Variants in ZFAT observed in about 807,000 individuals in gnomAD.
ZFAT encodes zinc finger and AT-hook domain containing, also known as zinc finger protein ZFAT.
In ZFAT, 64 loss-of-function variants were observed where a neutral mutation model predicts 117.7. The ratio of observed to expected loss-of-function variants is 0.54; its 90% CI spans 0.44 to 0.67. The LOEUF (loss-of-function observed/expected upper bound fraction) is 0.67, where lower values mean the gene tolerates loss of function less well. ZFAT is among the 30% of genes least tolerant of loss of function. ZFAT has a pLI of 0.00. For missense variants in ZFAT, 1,433 were observed against 1,584.5 expected (o/e 0.90, Z 1.62); for synonymous variants, 679 against 615.0 (o/e 1.10, Z -1.54).
chr8:134,739,321 A>G, the ZFAT span, among the ~76,000 whole-genome samples: 1 of 151,778 alleles, frequency 6.6e-6, no homozygotes, highest in Non-Finnish European at 1.5e-5. Flanking sequence ...GTGTGTGTAC[A>G]CATGCATGTC....
At chr8:134,678,923 T>G (rs1361539892) in intron 1 of ZFAT, among the ~76,000 whole-genome samples, 2 of 152,182 alleles carry the variant, frequency 1.3e-5, no homozygotes, top group African/African-American at 4.8e-5. Context: ...CCTTACACCT[T>G]ATACAAAAAT....
chr8:134,478,519 T>C lies in ZFAT; in HGVS notation c.3695A>G (p.Glu1232Gly), dbSNP rs1484895005. Residue 1232 changes from glutamate to glycine, a missense_variant, in exon 16 of 16, where the codon GAG becomes GGG. Physicochemically the swap from Glu to Gly is moderately conservative, Grantham distance 98 (BLOSUM62 -2). Around this residue, in one of 5 missense-constraint regions of ZFAT, gnomAD observed 503 missense variants for 543.4 expected, o/e 0.93. Coordinates refer to ENST00000377838, the MANE Select transcript of ZFAT (RefSeq NM_020863.4). The surrounding 1 kb of genome is among the most constrained non-coding windows in gnomAD (Gnocchi z 5.2). ...VYVQEAMQPV[E>G]EQAVEQPAQE... ...GGCCGGCTGCTCCACAGCCTGCTCC[T>C]CCACAGGCTGCATGGCCTCCTGCAC... is the stretch of plus-strand genomic sequence containing the variant. The C allele has an allele frequency of 1.9e-6, 3 of 1,585,512 alleles. No individual in the cohort carries two copies. Among genetic ancestry groups the C allele is most frequent in the Non-Finnish European group, 2.6e-6 (3 of 1,166,682 alleles).
At chr8:134,542,728 T>C (rs1822355580) in intron 11 of ZFAT, among the ~76,000 whole-genome samples, 1 of 152,080 alleles carries the variant, frequency 6.6e-6, no homozygotes, top group South Asian at 2.1e-4. Flanking sequence ...TTTGTAATAG[T>C]GAGCAAGGTA....
chr8:134,614,454 C>T lies in ZFAT; in HGVS notation c.449-3799G>A, dbSNP rs569097194. ...CCCCTCCTCTGTGATACTCTGTACCCTTCACCTTCTTACCTCCTCCATTCT... is the reference window on the plus strand; with the variant it reads ...CCCCTCCTCTGTGATACTCTGTACCTTTCACCTTCTTACCTCCTCCATTCT... On this transcript the variant is annotated intron_variant, in intron 3 of 15. Coordinates refer to ENST00000377838, the MANE Select transcript of ZFAT (RefSeq NM_020863.4). Among the ~76,000 whole-genome samples, 312 of 152,324 alleles carry T rather than the reference C, an allele frequency of 2.0e-3. 1 individual carries two copies. Among genetic ancestry groups the T allele is most frequent in the Non-Finnish European group, 3.2e-3 (220 of 68,028 alleles).
At chr8:134,596,414 G>A (rs1826936249) in intron 7 of ZFAT, among the ~76,000 whole-genome samples, 1 of 146,516 alleles carries the variant, frequency 6.8e-6, no homozygotes, top group Admixed American at 6.9e-5. Context: ...TCAAAACAGT[G>A]ACAATGACAC....
intron 1 of ZFAT, among the ~76,000 whole-genome samples, chr8:134,672,425 G>A (rs1832606543): frequency 6.6e-6 from 1 of 152,148 alleles, no homozygotes; most frequent in Non-Finnish European, 1.5e-5. Context: ...GGGCAGGGTG[G>A]AAGGATAGCA....
chr8:134,740,299 A>G, the ZFAT span, among the ~76,000 whole-genome samples: 1 of 152,188 alleles, frequency 6.6e-6, no homozygotes, highest in Non-Finnish European at 1.5e-5. Flanking sequence ...ACACTTAACC[A>G]TCCTAAGTGC....
chr8:134,653,815 C>T (rs1831429002), intron 2 of ZFAT, among the ~76,000 whole-genome samples: 1 of 151,978 alleles, frequency 6.6e-6, no homozygotes, highest in Non-Finnish European at 1.5e-5. Flanking sequence ...TTTAAGGCTG[C>T]AGAACACATA....
At chr8:134,555,849 A>T (rs1823551455) in intron 11 of ZFAT, among the ~76,000 whole-genome samples, 1 of 151,810 alleles carries the variant, frequency 6.6e-6, no homozygotes. Flanking sequence ...TGAACAGATG[A>T]TAAAATGTAA....
At chr8:134,599,833 C>G (rs1446692984) in intron 7 of ZFAT, 2 of 454,726 alleles carry the variant, frequency 4.4e-6, no homozygotes, top group Non-Finnish European at 8.8e-6. Flanking sequence ...AGCATTCATT[C>G]ATTGTGTTAC....
chr8:134,763,123 G>A, the ZFAT span, among the ~76,000 whole-genome samples: 1 of 152,244 alleles, frequency 6.6e-6, no homozygotes, highest in East Asian at 1.9e-4. Flanking sequence ...GAAATGTGAA[G>A]GGGCTTGTGA....
intron 1 of ZFAT, among the ~76,000 whole-genome samples, chr8:134,683,677 G>T (rs929895525): frequency 6.6e-6 from 1 of 152,006 alleles, no homozygotes; most frequent in Non-Finnish European, 1.5e-5. Context: ...GAGCTGTGGC[G>T]GCTCCACCAA....
At chr8:134,520,424 A>G (rs1464820040) in intron 13 of ZFAT, among the ~76,000 whole-genome samples, 1 of 152,148 alleles carries the variant, frequency 6.6e-6, no homozygotes, top group Non-Finnish European at 1.5e-5. Flanking sequence ...TCAGCAGGTG[A>G]CTGGTTCCAA....
At chr8:134,578,710 A>C (rs1056049257) in intron 10 of ZFAT, among the ~76,000 whole-genome samples, 1 of 152,188 alleles carries the variant, frequency 6.6e-6, no homozygotes, top group Non-Finnish European at 1.5e-5. Flanking sequence ...AGGAGATGAC[A>C]GTGGCCAGTA....
chr8:134,797,021 T>A, the ZFAT span: 1 of 152,176 alleles, frequency 6.6e-6, no homozygotes, highest in Non-Finnish European at 1.5e-5. Context: ...ACAGATTGAA[T>A]GACCATTTAG....
At chr8:134,538,704 C>A (rs114280724) in intron 11 of ZFAT, among the ~76,000 whole-genome samples, 1 of 148,412 alleles carries the variant, frequency 6.7e-6, no homozygotes, top group African/African-American at 2.5e-5. Flanking sequence ...GGTTGAGGCA[C>A]GAGAATTGCT....
the ZFAT span, among the ~76,000 whole-genome samples, chr8:134,755,790 C>T: frequency 0.39 from 51,962 of 133,632 alleles, 9,689 homozygotes; most frequent in Middle Eastern, 0.54. Flanking sequence ...CCAGCCTGGG[C>T]GACAGAGCAA....
Position 134,613,575 on chromosome 8 carries a change from G to C in ZFAT, c.449-2920C>G, listed in dbSNP as rs4909533. Among the ~76,000 whole-genome samples, 1,122 of 152,202 alleles carry C rather than the reference G, an allele frequency of 7.4e-3. 37 individuals carry two copies. The highest frequency in any genetic ancestry group is 0.054 in the Admixed American group (827 of 15,288). On this transcript the variant is annotated intron_variant, in intron 3 of 15. Transcript: ENST00000377838. The stretch of plus-strand genomic sequence containing the variant: ...AGTTTCCTTCCCCACGGCTGCTTTG[G>C]GGTGTGCATTGTTGGTATCCACCCT...
intron 5 of ZFAT, among the ~76,000 whole-genome samples, chr8:134,603,723 T>A (rs559554568): frequency 6.6e-6 from 1 of 152,328 alleles, no homozygotes; most frequent in East Asian, 1.9e-4. Flanking sequence ...GAGCATGGGA[T>A]ACAGCGGGCA....
Sources: allele counts gnomAD v4.1 joint callset (sites outside exome capture counted in the v4.1 genomes callset), GRCh38; gene constraint gnomAD v4.1.1; regional missense constraint gnomAD v4.1.1; non-coding constraint Gnocchi (gnomAD v3.1); transcripts MANE v1.5; gene names NCBI Gene and HGNC (gene_info 2026-07-23, HGNC 2026-07-21).